Variants in TDP1 observed in about 807,000 individuals in gnomAD.
TDP1 encodes tyr-DNA phosphodiesterase 1.
Under a neutral mutation model 81.5 loss-of-function variants are expected in TDP1, and 64 were observed. That is an observed-to-expected ratio of 0.79 (90% CI 0.64 to 0.97). The LOEUF is 0.97. Ranked by LOEUF, TDP1 falls within the 50% of genes least tolerant of loss-of-function variation. The probability of loss-of-function intolerance (pLI) is 0.00; values close to 1 mark genes in which losing one functional copy is unlikely to be tolerated. For missense variants in TDP1, 723 were observed against 743.8 expected, an observed-to-expected ratio of 0.97 and a Z score of 0.33; for synonymous variants, 256 against 264.3, an observed-to-expected ratio of 0.97 and a Z score of 0.30.
At chr14:90,032,217 A>G (rs73328488) in intron 15 of TDP1, among the ~76,000 whole-genome samples, 14,826 of 152,058 alleles carry the variant, frequency 0.098, 1,639 homozygotes, top group African/African-American at 0.27. Flanking sequence ...GGACCTCCCC[A>G]TGTTCTTTGA....
chr14:90,029,602 G>C (rs866132410), intron 15 of TDP1, among the ~76,000 whole-genome samples: 2 of 150,276 alleles, frequency 1.3e-5, no homozygotes, highest in Admixed American at 6.6e-5. Context: ...GGATTCCAGC[G>C]ATTCTCCTGT....
chr14:90,044,151 C>G lies in TDP1; in HGVS notation c.*1008C>G, dbSNP rs1291314297. Reference sequence around the variant, plus strand: ...GACAGGTCCCACCAAACCCAAACACCTGCCTAGGGTAAATGGGTCTCTCTT... The same window carrying G: ...GACAGGTCCCACCAAACCCAAACACGTGCCTAGGGTAAATGGGTCTCTCTT... On this transcript the variant is annotated 3_prime_UTR_variant, in exon 17 of 17. Coordinates refer to ENST00000335725, the MANE Select transcript of TDP1 (RefSeq NM_018319.4). The G allele has an allele frequency of 6.6e-6, 1 of 152,250 alleles. No homozygotes were observed. Among genetic ancestry groups the G allele is most frequent in the Non-Finnish European group, 1.5e-5 (1 of 68,066 alleles). The allele number at this position is 152,250 out of a possible 1,614,324, so 9.4% of individuals were successfully genotyped here. A position where few individuals can be genotyped will look rare whatever the true frequency, so the allele number is the denominator to read the frequency against.
At chr14:89,970,948 C>T (rs908833469) in intron 5 of TDP1, 1 of 195,990 alleles carries the variant, frequency 5.1e-6, no homozygotes, top group African/African-American at 2.4e-5. Flanking sequence ...AAGCGATTCT[C>T]ATGCCTCAGC....
intron 8 of TDP1, 83 bp downstream of exon 8, chr14:89,980,715 T>A (rs1376397831): frequency 2.6e-6 from 3 of 1,172,834 alleles, no homozygotes; most frequent in South Asian, 1.3e-5. Flanking sequence ...TTCTTTTTTC[T>A]ATTTTTTTTT....
At chr14:89,960,009 A>T (rs1892140461) in intron 2 of TDP1, among the ~76,000 whole-genome samples, 1 of 152,202 alleles carries the variant, frequency 6.6e-6, no homozygotes, top group African/African-American at 2.4e-5. Flanking sequence ...TGGGCAAGGT[A>T]TCTATAGAGA....
At chr14:89,990,524 C>T (rs1205088398) in intron 12 of TDP1, among the ~76,000 whole-genome samples, 1 of 142,288 alleles carries the variant, frequency 7.0e-6, no homozygotes, top group Non-Finnish European at 1.5e-5. Context: ...GAAAATTTCG[C>T]TAGCGTTTGG....
At chr14:89,991,280 T>G (rs1896151983) in intron 12 of TDP1, among the ~76,000 whole-genome samples, 1 of 152,154 alleles carries the variant, frequency 6.6e-6, no homozygotes, top group East Asian at 1.9e-4. Flanking sequence ...TCAATTATAA[T>G]TTTTTGTTTT....
chr14:89,959,010 A>G (rs377103640), intron 2 of TDP1, among the ~76,000 whole-genome samples: 1 of 152,254 alleles, frequency 6.6e-6, no homozygotes, highest in East Asian at 1.9e-4. Flanking sequence ...TTCAAAATCA[A>G]GATTAAAAGC....
intron 8 of TDP1, among the ~76,000 whole-genome samples, chr14:89,982,247 A>G (rs139939340): frequency 6.5e-4 from 99 of 152,266 alleles, no homozygotes; most frequent in African/African-American, 2.1e-3. Context: ...GCTTTTCAAA[A>G]TGAAGTGTGG....
intron 15 of TDP1, among the ~76,000 whole-genome samples, chr14:90,032,305 A>G (rs2140319065): frequency 6.6e-6 from 1 of 152,112 alleles, no homozygotes; most frequent in East Asian, 1.9e-4. Flanking sequence ...AGACATCAGC[A>G]CTGTTGGGTA....
chr14:89,960,431 G>A (rs972334053), intron 2 of TDP1, among the ~76,000 whole-genome samples: 2 of 152,186 alleles, frequency 1.3e-5, no homozygotes, highest in African/African-American at 4.8e-5. Context: ...TACAAACCCA[G>A]TTATCTAGTT....
chr14:89,998,357 A>G (rs1387261998), intron 14 of TDP1, among the ~76,000 whole-genome samples: 2 of 132,472 alleles, frequency 1.5e-5, no homozygotes, highest in Non-Finnish European at 3.1e-5. Flanking sequence ...AGTTCCAGGC[A>G]CAGTTCCAAG....
chr14:89,981,926 G>A (rs1487186683), intron 8 of TDP1, among the ~76,000 whole-genome samples: 2 of 151,382 alleles, frequency 1.3e-5, no homozygotes, highest in African/African-American at 2.5e-5. Context: ...CTCCCAAAGT[G>A]CTGAGATTAC....
chr14:89,992,077 A>T, intron 13 of TDP1, 94 bp downstream of exon 13: 1 of 1,004,294 alleles, frequency 1.0e-6, no homozygotes, highest in Non-Finnish European at 1.6e-6. Flanking sequence ...AAGGAACTTT[A>T]TGTAATATAG....
intron 15 of TDP1, among the ~76,000 whole-genome samples, chr14:90,025,582 C>A (rs1184055983): frequency 6.6e-6 from 1 of 152,044 alleles, no homozygotes; most frequent in African/African-American, 2.4e-5. Flanking sequence ...TAGTAGTAGT[C>A]GCCTAATAAA....
intron 6 of TDP1, among the ~76,000 whole-genome samples, chr14:89,972,469 C>T (rs1332131756): frequency 6.6e-6 from 1 of 152,144 alleles, no homozygotes. Flanking sequence ...AGACCCAAAC[C>T]ATATCAAAGG....
chr14:90,014,411 A>G (rs1885075571), intron 14 of TDP1, among the ~76,000 whole-genome samples: 1 of 152,234 alleles, frequency 6.6e-6, no homozygotes, highest in South Asian at 2.1e-4. Flanking sequence ...TTTGTGGCAC[A>G]CACACTGCCG....
intron 15 of TDP1, among the ~76,000 whole-genome samples, chr14:90,021,726 A>G (rs1169224923): frequency 2.6e-5 from 4 of 152,210 alleles, no homozygotes; most frequent in African/African-American, 7.2e-5. Flanking sequence ...TAAAATAGAG[A>G]TTGCATTATT....
At chr14:89,978,671 C>T (rs78138961) in intron 7 of TDP1, among the ~76,000 whole-genome samples, 8,565 of 152,260 alleles carry the variant, frequency 0.056, 516 homozygotes, top group African/African-American at 0.15. Context: ...CATTCATTGA[C>T]ATTAGTGTGT....
Sources: allele counts gnomAD v4.1 joint callset (sites outside exome capture counted in the v4.1 genomes callset), GRCh38; gene constraint gnomAD v4.1.1; transcripts MANE v1.5; gene names NCBI Gene and HGNC (gene_info 2026-07-23, HGNC 2026-07-21).